CSMD3: variants seen among roughly 807,000 people sequenced by gnomAD.
CSMD3 encodes CUB and sushi domain-containing protein 3.
Under a neutral mutation model 435.2 loss-of-function variants are expected in CSMD3, and 177 were observed. That is an observed-to-expected ratio of 0.41 (90% CI 0.36 to 0.46). CSMD3 has a LOEUF of 0.46. Ranked by LOEUF, CSMD3 falls within the 20% of genes least tolerant of loss-of-function variation. The pLI is 0.34. For synonymous variants in CSMD3, 1,656 were observed against 1,520.5 expected, an observed-to-expected ratio of 1.09 and a Z score of -2.07; for missense variants, 4,265 against 4,504.6, an observed-to-expected ratio of 0.95 and a Z score of 1.52.
intron 1 of CSMD3, among the ~76,000 whole-genome samples, chr8:113,388,762 G>A (rs1588645857): frequency 6.6e-6 from 1 of 151,516 alleles, no homozygotes; most frequent in East Asian, 1.9e-4. Flanking sequence ...GATATCTTCA[G>A]CTATTTGAAT....
At chr8:113,424,461 T>A (rs973262306) in intron 1 of CSMD3, among the ~76,000 whole-genome samples, 7 of 151,716 alleles carry the variant, frequency 4.6e-5, no homozygotes, top group African/African-American at 1.7e-4. Context: ...TTGCTTTTTT[T>A]AGGTGTTGAC....
At chr8:112,953,527 C>T (rs2083902089) in intron 8 of CSMD3, among the ~76,000 whole-genome samples, 2 of 151,342 alleles carry the variant, frequency 1.3e-5, no homozygotes, top group African/African-American at 2.4e-5. Context: ...GGTAACCCTA[C>T]CAGATCAATG....
At chr8:112,932,292 T>G (rs781687419) in intron 9 of CSMD3, among the ~76,000 whole-genome samples, 2 of 152,208 alleles carry the variant, frequency 1.3e-5, no homozygotes, top group East Asian at 1.9e-4. Context: ...TGCAGCAACA[T>G]GGACGGAACT....
chr8:112,809,985 G>A (rs1350181394), intron 12 of CSMD3, among the ~76,000 whole-genome samples: 1 of 152,132 alleles, frequency 6.6e-6, no homozygotes, highest in Non-Finnish European at 1.5e-5. Context: ...CAGATGGTCT[G>A]TATACATTGA....
chr8:112,374,975 T>A lies in CSMD3; in HGVS notation c.6136+5377A>T, dbSNP rs569709929. Among the ~76,000 whole-genome samples, 267 of 152,306 alleles carry A rather than the reference T, an allele frequency of 1.8e-3. 2 individuals are homozygous for A. The highest frequency in any genetic ancestry group is 2.6e-3 in the Non-Finnish European group (177 of 68,010). Reference sequence around the variant, plus strand: ...GATTATGTGAATTCAAACTAACAGATTAAACGCCATTCACTTTGAATAGCC... The same window carrying A: ...GATTATGTGAATTCAAACTAACAGAATAAACGCCATTCACTTTGAATAGCC... On this transcript the variant is annotated intron_variant, in intron 38 of 70. Transcript: ENST00000297405.
In CSMD3 at chr8:113,313,646, G is replaced by A. The variant is rs137892803; in HGVS notation, c.401+925C>T. The A allele has an allele frequency of 4.0e-3, 616 of 152,266 alleles. 5 individuals carry two copies. Among genetic ancestry groups the A allele is most frequent in the African/African-American group, 0.014 (592 of 41,550 alleles). 9.4% of individuals were successfully genotyped at this position (152,266 alleles called of 1,614,324 possible). ...TTGTACATTAGGAAGGCAAGAACAT[G>A]TTATCAACTATTAGAAAGTAACACC... On this transcript the variant is annotated intron_variant, in intron 2 of 70. Coordinates refer to ENST00000297405, the MANE Select transcript of CSMD3 (RefSeq NM_198123.2).
At chr8:113,153,253 AAAGG>A (rs748079169) in intron 4 of CSMD3, among the ~76,000 whole-genome samples, 99 of 149,870 alleles carry the variant, frequency 6.6e-4, no homozygotes, top group Middle Eastern at 3.5e-3. Flanking sequence ...AGAGAGAAAG[AAAGG>A]AAGGAAGGAA....
chr8:112,341,121 A>G (rs534709259), intron 42 of CSMD3, among the ~76,000 whole-genome samples: 3 of 152,272 alleles, frequency 2.0e-5, no homozygotes, highest in Admixed American at 1.3e-4. Context: ...TGAATAATAC[A>G]AAATATCTTT....
At chr8:112,622,022 A>G (rs1834112887) in intron 22 of CSMD3, among the ~76,000 whole-genome samples, 1 of 152,176 alleles carries the variant, frequency 6.6e-6, no homozygotes, top group African/African-American at 2.4e-5. Context: ...TCTGAGGTCT[A>G]GCTAGCATAT....
At chr8:112,461,459 C>G (rs1304131317) in intron 32 of CSMD3, among the ~76,000 whole-genome samples, 1 of 151,462 alleles carries the variant, frequency 6.6e-6, no homozygotes. Context: ...AAATATTTTC[C>G]CATATCAACA....
At chr8:112,776,176 C>T (rs1267475631) in intron 13 of CSMD3, among the ~76,000 whole-genome samples, 2 of 151,694 alleles carry the variant, frequency 1.3e-5, no homozygotes, top group Admixed American at 1.3e-4. Context: ...ACATAACAGC[C>T]GTATCACCTG....
chr8:113,085,718 TA>T (rs959276901), intron 5 of CSMD3, among the ~76,000 whole-genome samples: 19 of 151,726 alleles, frequency 1.3e-4, no homozygotes, highest in South Asian at 4.2e-4. Context: ...ATGTGGGAGC[TA>T]AAAAAAATGG....
intron 22 of CSMD3, among the ~76,000 whole-genome samples, chr8:112,616,328 T>A: frequency 6.6e-6 from 1 of 152,136 alleles, no homozygotes; most frequent in Middle Eastern, 3.4e-3. Context: ...TAGTGGTATT[T>A]TTATTTTAAA....
chr8:112,797,767 G>A (rs1041287308), intron 13 of CSMD3, among the ~76,000 whole-genome samples: 2 of 151,724 alleles, frequency 1.3e-5, no homozygotes, highest in East Asian at 1.9e-4. Context: ...ACTTCTCAAC[G>A]TGAACCCTAC....
At chr8:113,413,926 GA>G (rs1295041975) in intron 1 of CSMD3, among the ~76,000 whole-genome samples, 3 of 152,158 alleles carry the variant, frequency 2.0e-5, no homozygotes, top group African/African-American at 7.2e-5. Context: ...TTTTTCAAGT[GA>G]AAGGAGAATG....
intron 3 of CSMD3, among the ~76,000 whole-genome samples, chr8:113,197,552 A>C (rs2092672154): frequency 6.6e-6 from 1 of 151,218 alleles, no homozygotes; most frequent in African/African-American, 2.4e-5. Context: ...TATTACTGTA[A>C]TGATGTTGAG....
chr8:112,492,563 C>A lies in CSMD3; in HGVS notation c.5204G>T (p.Gly1735Val), dbSNP rs1820805064. 6.2e-7 allele frequency: 1 copy of A among 1,613,870 alleles called. No homozygotes were observed. Among genetic ancestry groups the A allele is most frequent in the Admixed American group, 1.7e-5 (1 of 60,004 alleles). ...YYCDAGYVLQ[G>V]YSTLTCIMGD... ...CATGATACAGGTGAGTGTTGAATAA[C>A]CTTGAAGAACATAACCAGCATCACA... The change falls in exon 31 of 71, where the codon GGT (glycine) becomes GTT (valine). Residue 1735 changes from glycine (G) to valine (V), a missense_variant. Physicochemically the swap from Gly to Val is moderately radical, Grantham distance 109. Transcript: ENST00000297405.
At chr8:112,335,064 C>T (rs565984205) in intron 45 of CSMD3, among the ~76,000 whole-genome samples, 107 of 152,142 alleles carry the variant, frequency 7.0e-4, no homozygotes, top group Non-Finnish European at 1.5e-3. Context: ...TATTGGTTTT[C>T]ATGCAGAAAT....
At chr8:113,358,997 A>C (rs772012537) in intron 1 of CSMD3, among the ~76,000 whole-genome samples, 1 of 152,190 alleles carries the variant, frequency 6.6e-6, no homozygotes, top group Non-Finnish European at 1.5e-5. Context: ...GATAATATTA[A>C]AGATATTTTA....
Sources: allele counts gnomAD v4.1 joint callset (sites outside exome capture counted in the v4.1 genomes callset), GRCh38; gene constraint gnomAD v4.1.1; transcripts MANE v1.5; gene names NCBI Gene and HGNC (gene_info 2026-07-23, HGNC 2026-07-21).